The following EFHB variants were observed in gnomAD, a reference collection of about 807,000 sequenced individuals.
EFHB encodes EF-hand domain family member B, also known as EF-hand domain-containing family member B.
A neutral mutation model predicts 87.2 loss-of-function variants in EFHB; 91 were observed. The observed-to-expected ratio is 1.04, with a 90% CI of 0.88 to 1.24. The LOEUF is 1.24. Among genes scored for constraint, EFHB ranks in the 50% most tolerant of loss-of-function variants. The probability of loss-of-function intolerance (pLI) is 0.00; values close to 1 mark genes in which losing one functional copy is unlikely to be tolerated. For missense variants in EFHB, 1,084 were observed against 998.8 expected (o/e 1.09, Z -1.15); for synonymous variants, 325 against 333.6 (o/e 0.97, Z 0.28).
chr3:19,934,802 A>C (rs1187257992), upstream of EFHB, among the ~76,000 whole-genome samples: 1 of 152,228 alleles, frequency 6.6e-6, no homozygotes, highest in Non-Finnish European at 1.5e-5. Flanking sequence ...GTGCTAAAAA[A>C]TGACTTTAAA....
Position 19,943,611 on chromosome 3 carries a change from T to A in EFHB, c.-32+3308A>T, listed in dbSNP as rs183931477. 6.6e-5 allele frequency among the ~76,000 whole-genome samples: 10 copies of A among 152,320 alleles called. No homozygotes were observed. In the East Asian group the frequency reaches 1.9e-3, roughly 29 times the overall value. The stretch of plus-strand genomic sequence containing the variant: ...TTAAAAAAATACAACTATTTACATA[T>A]CATTTACATTGTATTACTTATTGTA... On this transcript the variant is annotated intron_variant, in intron 1 of 14. Transcript: ENST00000344838.
chr3:19,910,684 A>G (rs1366355389), intron 5 of EFHB, among the ~76,000 whole-genome samples: 1 of 152,172 alleles, frequency 6.6e-6, no homozygotes, highest in Admixed American at 6.5e-5. Flanking sequence ...CTGATCCAAT[A>G]CAGTCAGCAG....
chr3:19,936,719 T>C (rs1696030560), upstream of EFHB, among the ~76,000 whole-genome samples: 1 of 151,528 alleles, frequency 6.6e-6, no homozygotes, highest in African/African-American at 2.4e-5. Context: ...AATACAAAAA[T>C]GAGCTGGACA....
intron 9 of EFHB, among the ~76,000 whole-genome samples, chr3:19,892,062 T>G (rs1694324322): frequency 6.6e-6 from 1 of 152,136 alleles, no homozygotes; most frequent in African/African-American, 2.4e-5. Context: ...TGACACTTAT[T>G]CAAGTTATGG....
chr3:19,885,263 T>C (rs148777908), intron 10 of EFHB, among the ~76,000 whole-genome samples: 123 of 151,258 alleles, frequency 8.1e-4, no homozygotes, highest in African/African-American at 2.8e-3. Context: ...TAACTTGAAC[T>C]ACAGAGTTTT....
intron 1 of EFHB, among the ~76,000 whole-genome samples, chr3:19,925,940 C>T (rs1159863004): frequency 6.6e-6 from 1 of 152,178 alleles, no homozygotes; most frequent in Non-Finnish European, 1.5e-5. Context: ...AGTGATGGTA[C>T]CCATTCCCTT....
chr3:19,911,909 G>A (rs527691489), intron 5 of EFHB, among the ~76,000 whole-genome samples: 2 of 152,142 alleles, frequency 1.3e-5, no homozygotes, highest in South Asian at 4.2e-4. Flanking sequence ...CCAGGAATTC[G>A]AGACTAGCCT....
rs1302948200 is a variant in EFHB at position 19,905,747 on chromosome 3, C to T, written c.1291G>A (p.Glu431Lys). 2 of 1,602,830 alleles carry T rather than the reference C, an allele frequency of 1.2e-6. No individual in the cohort carries two copies. Among genetic ancestry groups the T allele is most frequent in the Non-Finnish European group, 8.5e-7 (1 of 1,172,726 alleles). The change falls in exon 6 of 13, where the codon GAG (glutamate) becomes AAG (lysine). Residue 431 changes from glutamate to lysine, a missense_variant and splice_region_variant. Glu to Lys is a moderately conservative substitution (Grantham distance 56). Coordinates refer to ENST00000295824, the MANE Select transcript of EFHB (RefSeq NM_144715.4). ...VVSHNDYYAGEAKNRKYNPSS... is the reference protein window; with the variant it reads ...VVSHNDYYAGKAKNRKYNPSS... ...GGGTTATACTTTCGGTTCTTTGCCT[C>T]TCCTGTGGAAAAAGAAAGGAAGACT...
intron 1 of EFHB, among the ~76,000 whole-genome samples, chr3:19,931,565 C>T (rs1244133273): frequency 6.6e-6 from 1 of 152,172 alleles, no homozygotes; most frequent in Non-Finnish European, 1.5e-5. Context: ...TCTTCAAACC[C>T]AGACAAAATT....
chr3:19,940,276 T>C (rs1187930308), intron 1 of EFHB: 1 of 267,900 alleles, frequency 3.7e-6, no homozygotes, highest in Non-Finnish European at 7.5e-6. Flanking sequence ...TTATTCAGTG[T>C]TGGGCCCTGA....
At position 19,899,423 on chromosome 3, in the gene EFHB, T is replaced by C. The variant is rs1304403434; in HGVS notation, c.1502+9A>G. The C allele has an allele frequency of 2.5e-6, 4 of 1,581,514 alleles. No individual in the cohort carries two copies. Among genetic ancestry groups the C allele is most frequent in the Non-Finnish European group, 3.4e-6 (4 of 1,164,546 alleles). ...GAAACTATCAATTTGAAGTTAATCA[T>C]TAACTTACGGATCTAAAACTCTTCC... On this transcript the variant is annotated intron_variant, in intron 7 of 12. Transcript: ENST00000295824.
rs1368938329 is a variant in EFHB, at chr3:19,888,595, G to T, written c.1782C>A (p.Asn594Lys). 1 of 1,607,334 alleles carries T rather than the reference G, an allele frequency of 6.2e-7. No individual in the cohort carries two copies. The highest frequency in any genetic ancestry group is 8.5e-7 in the Non-Finnish European group (1 of 1,176,678). Residue 594 changes from asparagine to lysine, a missense_variant, in exon 10 of 13, where the codon AAC (asparagine) becomes AAA (lysine). Asn to Lys is a moderately conservative substitution (Grantham distance 94, BLOSUM62 0). Transcript: ENST00000295824. The stretch of plus-strand genomic sequence containing the variant: ...CCAGGAGCTTGTCATCTAAACTCAA[G>T]TTGGCCTGGTCACAAGCTTCCTGCA... ...DELQEACDQA[N>K]LSLDDKLLDQ...
chr3:19,902,762 C>G (rs902371113), intron 6 of EFHB, among the ~76,000 whole-genome samples: 1 of 152,226 alleles, frequency 6.6e-6, no homozygotes, highest in Non-Finnish European at 1.5e-5. Context: ...TAGACTAACA[C>G]TCTTGACTCC....
chr3:19,886,754 G>C (rs1359382524), intron 10 of EFHB, among the ~76,000 whole-genome samples: 3 of 135,840 alleles, frequency 2.2e-5, no homozygotes, highest in South Asian at 4.8e-4. Context: ...AACAATGTAA[G>C]AATTTTTGTT....
At chr3:19,904,215 A>G (rs1694764758) in intron 6 of EFHB, among the ~76,000 whole-genome samples, 1 of 152,236 alleles carries the variant, frequency 6.6e-6, no homozygotes, top group African/African-American at 2.4e-5. Context: ...AGGCCCATGC[A>G]TTAGTTTCAT....
intron 5 of EFHB, among the ~76,000 whole-genome samples, chr3:19,909,713 G>A (rs181886367): frequency 7.8e-4 from 116 of 149,358 alleles, no homozygotes; most frequent in Non-Finnish European, 1.2e-3. Flanking sequence ...GGGAAGAGCA[G>A]GGAAGACTTC....
At position 19,918,332 on chromosome 3, in the gene EFHB, G is replaced by A; in HGVS notation, c.1077C>T (p.Ser359=). The A allele has an allele frequency of 2.5e-6, 4 of 1,612,998 alleles. No individual in the cohort carries two copies. The highest frequency in any genetic ancestry group is 3.4e-6 in the Non-Finnish European group (4 of 1,179,482). Residue 359 remains serine (S), a synonymous_variant, in exon 4 of 13, where the codon AGC becomes AGT. Transcript: ENST00000295824. ...IKDKKESIYL[S]NRRAPLGKSH... is the part of the protein sequence containing the mutation. ...ATTTTCCTAATGGTGCTCGTCGATTGCTAAGATATATAGATTCTTTTTTAT... is the reference window on the plus strand; with the variant it reads ...ATTTTCCTAATGGTGCTCGTCGATTACTAAGATATATAGATTCTTTTTTAT...
At chr3:19,938,787 C>A (rs990134064), upstream of EFHB, among the ~76,000 whole-genome samples, 3 of 152,226 alleles carry the variant, frequency 2.0e-5, no homozygotes, top group Non-Finnish European at 4.4e-5. Flanking sequence ...GTGATCCAGT[C>A]TCTGCCAACC....
At chr3:19,912,664 C>T (rs889223515) in intron 5 of EFHB, among the ~76,000 whole-genome samples, 6 of 151,998 alleles carry the variant, frequency 3.9e-5, no homozygotes, top group African/African-American at 1.4e-4. Context: ...AACAACTTTT[C>T]AAGACATAGA....
Sources: gnomAD v4.1 joint callset for allele counts (sites outside exome capture counted in the v4.1 genomes callset) on GRCh38, gnomAD v4.1.1 for gene constraint, MANE v1.5 for transcripts, NCBI Gene and HGNC (gene_info 2026-07-23, HGNC 2026-07-21) for gene names.